RANBP17: variants seen among roughly 807,000 people sequenced by gnomAD.
The protein encoded by RANBP17 is ran-binding protein 17.
Under a neutral mutation model 141.2 loss-of-function variants are expected in RANBP17, and 158 were observed. The ratio of observed to expected loss-of-function variants is 1.12; its 90% confidence interval spans 0.98 to 1.28. The LOEUF (loss-of-function observed/expected upper bound fraction) is 1.28, where lower values mean the gene tolerates loss of function less well. Among genes scored for constraint, RANBP17 ranks in the 50% most tolerant of loss-of-function variants. The pLI is 0.00. For missense variants in RANBP17, 1,438 were observed against 1,290.7 expected, an observed-to-expected ratio of 1.11 and a Z score of -1.75; for synonymous variants, 430 against 450.0, an observed-to-expected ratio of 0.96 and a Z score of 0.56.
At chr5:171,031,333 A>G (rs1453627093) in intron 14 of RANBP17, among the ~76,000 whole-genome samples, 1 of 152,074 alleles carries the variant, frequency 6.6e-6, no homozygotes, top group African/African-American at 2.4e-5. Flanking sequence ...AAAAATAAGA[A>G]ATCGATGATT....
At chr5:171,010,169 G>T (rs530671238) in intron 14 of RANBP17, among the ~76,000 whole-genome samples, 84 of 152,240 alleles carry the variant, frequency 5.5e-4, no homozygotes, top group African/African-American at 1.9e-3. Flanking sequence ...GGCAATGAAG[G>T]AACAATAGGC....
intron 14 of RANBP17, among the ~76,000 whole-genome samples, chr5:171,056,117 T>A (rs1413500974): frequency 2.0e-5 from 3 of 152,126 alleles, no homozygotes; most frequent in Non-Finnish European, 4.4e-5. Context: ...AAAGAATTGG[T>A]AACATTTTAA....
intron 12 of RANBP17, among the ~76,000 whole-genome samples, chr5:170,939,640 C>T (rs1774176350): frequency 6.6e-6 from 1 of 152,064 alleles, no homozygotes; most frequent in Admixed American, 6.6e-5. Flanking sequence ...CCCACCTCGG[C>T]CTCCCAAAAT....
chr5:170,955,674 A>ATGCTCAGTGTG (rs1775629273), intron 13 of RANBP17, among the ~76,000 whole-genome samples: 1 of 75,652 alleles, frequency 1.3e-5, no homozygotes, highest in Non-Finnish European at 2.7e-5. Flanking sequence ...ATATATATAT[A>ATGCTCAGTGTG]TATATATACA....
At chr5:171,092,754 G>A (rs1434110129) in intron 14 of RANBP17, among the ~76,000 whole-genome samples, 1 of 152,128 alleles carries the variant, frequency 6.6e-6, no homozygotes, top group Non-Finnish European at 1.5e-5. Context: ...ATAAAATCTA[G>A]GAAACACAGT....
intron 14 of RANBP17, among the ~76,000 whole-genome samples, chr5:171,038,906 T>C (rs770284042): frequency 1.3e-5 from 2 of 152,140 alleles, no homozygotes; most frequent in Non-Finnish European, 2.9e-5. Context: ...ATCATGGGTA[T>C]TGACTTGTAG....
intron 14 of RANBP17, among the ~76,000 whole-genome samples, chr5:171,064,534 T>C (rs1784170026): frequency 6.6e-6 from 1 of 152,222 alleles, no homozygotes; most frequent in Non-Finnish European, 1.5e-5. Flanking sequence ...TTTCACTCTG[T>C]TGCCCAGGCT....
rs1295949052 is a variant in RANBP17, at chr5:171,141,937, T to C, written c.1711-28193T>C. ...ATTTTTTGGTTAACTCTTTGTTTTC[T>C]TTTATACCTATTTAGTATGTCATAT... On this transcript the variant is annotated intron_variant, in intron 14 of 27. Transcript: ENST00000523189. Among the ~76,000 whole-genome samples, 16 of 152,346 alleles carry C rather than the reference T, an allele frequency of 1.1e-4. No homozygotes were observed. The East Asian group carries it at 2.9e-3, about 28-fold the overall frequency.
At chr5:170,870,211 A>G (rs1434093993) in intron 1 of RANBP17, among the ~76,000 whole-genome samples, 1 of 152,160 alleles carries the variant, frequency 6.6e-6, no homozygotes, top group Non-Finnish European at 1.5e-5. Context: ...ATAAATACAT[A>G]TTTAATTTTA....
intron 12 of RANBP17, chr5:170,924,859 C>T (rs936948052): frequency 1.1e-5 from 2 of 189,812 alleles, no homozygotes; most frequent in Non-Finnish European, 2.2e-5. Flanking sequence ...GTGTTTTCTT[C>T]TTTGCTATAC....
chr5:171,160,747 A>C (rs890163292), intron 14 of RANBP17, among the ~76,000 whole-genome samples: 11 of 152,170 alleles, frequency 7.2e-5, no homozygotes, highest in Admixed American at 4.6e-4. Context: ...CAGTTGCCAC[A>C]CTTCTATAAT....
chr5:171,266,540 C>T (rs2128021166), intron 25 of RANBP17, among the ~76,000 whole-genome samples: 1 of 152,184 alleles, frequency 6.6e-6, no homozygotes, highest in East Asian at 1.9e-4. Flanking sequence ...ACCAGCTGCT[C>T]CAGAGGCAGA....
intron 14 of RANBP17, among the ~76,000 whole-genome samples, chr5:171,019,692 A>T (rs1269849875): frequency 1.4e-5 from 2 of 145,778 alleles, no homozygotes; most frequent in South Asian, 2.2e-4. Context: ...TATTTTGTTA[A>T]TTTTTTTTTT....
intron 14 of RANBP17, among the ~76,000 whole-genome samples, chr5:171,157,694 C>A (rs1342962724): frequency 6.6e-6 from 1 of 152,188 alleles, no homozygotes; most frequent in East Asian, 1.9e-4. Context: ...CAATTTTTAA[C>A]ATTTGAGGGT....
intron 13 of RANBP17, among the ~76,000 whole-genome samples, chr5:170,965,948 A>G: frequency 6.6e-6 from 1 of 152,142 alleles, no homozygotes; most frequent in Non-Finnish European, 1.5e-5. Context: ...AGTCATTGGT[A>G]GCTTGATGGG....
At chr5:171,102,250 T>G (rs993867044) in intron 14 of RANBP17, among the ~76,000 whole-genome samples, 3 of 152,186 alleles carry the variant, frequency 2.0e-5, no homozygotes, top group Non-Finnish European at 2.9e-5. Flanking sequence ...AGGTTTGGTC[T>G]TTTCACATAG....
rs79311602 is a variant in RANBP17, at chr5:171,263,531, A to G, written c.2777-2150A>G. 9.5e-3 allele frequency among the ~76,000 whole-genome samples: 1,441 copies of G among 152,336 alleles called. 61 individuals carry two copies. The highest frequency in any genetic ancestry group is 0.088 in the East Asian group (455 of 5,188). On this transcript the variant is annotated intron_variant, in intron 24 of 27. Coordinates refer to ENST00000523189, the MANE Select transcript of RANBP17 (RefSeq NM_022897.5). ...AAAGGAGATAATAAATGGTTGCTCTATCACTTACTTGTCAGTAACACCTCC... is the reference window on the plus strand; with the variant it reads ...AAAGGAGATAATAAATGGTTGCTCTGTCACTTACTTGTCAGTAACACCTCC...
intron 5 of RANBP17, among the ~76,000 whole-genome samples, chr5:170,901,118 C>A (rs1256089697): frequency 6.6e-6 from 1 of 152,132 alleles, no homozygotes; most frequent in African/African-American, 2.4e-5. Context: ...GTGTTAAAGT[C>A]TCCCACTATT....
chr5:171,001,694 C>T (rs1428510789), intron 14 of RANBP17, among the ~76,000 whole-genome samples: 1 of 152,028 alleles, frequency 6.6e-6, no homozygotes, highest in Non-Finnish European at 1.5e-5. Context: ...TTTACCTTTC[C>T]TGAAGATTGA....
Sources: gnomAD v4.1 joint callset for allele counts (sites outside exome capture counted in the v4.1 genomes callset) on GRCh38, gnomAD v4.1.1 for gene constraint, MANE v1.5 for transcripts, NCBI Gene and HGNC (gene_info 2026-07-23, HGNC 2026-07-21) for gene names.